Variants in ATP13A4 observed in about 807,000 individuals in gnomAD.
The protein encoded by ATP13A4 is probable cation-transporting ATPase 13A4.
A neutral mutation model predicts 142.5 loss-of-function variants in ATP13A4; 114 were observed. The observed-to-expected ratio is 0.80, with a 90% CI of 0.69 to 0.93. ATP13A4 has a LOEUF of 0.93. Ranked by LOEUF, ATP13A4 falls within the 40% of genes least tolerant of loss-of-function variation. ATP13A4 has a pLI of 0.00. For synonymous variants in ATP13A4, 488 were observed against 514.8 expected (o/e 0.95, Z 0.70); for missense variants, 1,392 against 1,454.0 (o/e 0.96, Z 0.69).
intron 13 of ATP13A4, among the ~76,000 whole-genome samples, chr3:193,460,846 C>A (rs527722701): frequency 6.6e-6 from 1 of 152,218 alleles, no homozygotes; most frequent in East Asian, 1.9e-4. Context: ...GGTTATCAAT[C>A]CCTGATAGCC....
intron 9 of ATP13A4, among the ~76,000 whole-genome samples, chr3:193,467,773 T>C (rs1177551560): frequency 1.3e-5 from 2 of 152,096 alleles, no homozygotes; most frequent in African/African-American, 4.8e-5. Context: ...AATAACTATT[T>C]AGGGAACCAC....
At chr3:193,483,155 A>G (rs1213142524) in intron 8 of ATP13A4, among the ~76,000 whole-genome samples, 2 of 152,224 alleles carry the variant, frequency 1.3e-5, no homozygotes, top group Non-Finnish European at 2.9e-5. Context: ...ATATTATAAA[A>G]GACCCAAAGA....
At chr3:193,500,731 G>T (rs1032346899) in intron 3 of ATP13A4, among the ~76,000 whole-genome samples, 14 of 152,172 alleles carry the variant, frequency 9.2e-5, no homozygotes, top group Admixed American at 2.6e-4. Flanking sequence ...GCACCAATCG[G>T]TGGCCTGGGG....
At chr3:193,465,233 G>A in intron 11 of ATP13A4, 105 bp from the exon 12 acceptor site, 1 of 1,240,672 alleles carries the variant, frequency 8.1e-7, no homozygotes, top group Non-Finnish European at 1.1e-6. Context: ...TGTCGCCCAG[G>A]CTGGAATACA....
chr3:193,486,406 T>C (rs143608305), intron 7 of ATP13A4, among the ~76,000 whole-genome samples: 169 of 152,264 alleles, frequency 1.1e-3, no homozygotes, highest in African/African-American at 3.9e-3. Flanking sequence ...ACTTGAACCG[T>C]AATAGTGGTA....
rs933270222 is a variant in ATP13A4 at position 193,474,541 on chromosome 3, G to GAGAGAGAGAGAAGAAAAA, written c.809-3566_809-3549dup. On this transcript the variant is annotated intron_variant, in intron 8 of 29. Coordinates refer to ENST00000342695, the MANE Select transcript of ATP13A4 (RefSeq NM_032279.4). ...CAGTGCAAGTCCCTGTCAAGACAGA[G>GAGAGAGAGAGAAGAAAAA]AGAGAGAGAGAAGAAAAAAGAGAGA... Among the ~76,000 whole-genome samples, 3 of 146,702 alleles carry GAGAGAGAGAGAAGAAAAA rather than the reference G, an allele frequency of 2.0e-5. No homozygotes were observed. The East Asian group carries it at 5.9e-4, about 29-fold the overall frequency.
chr3:193,557,772 C>T (rs77476767), upstream of ATP13A4, among the ~76,000 whole-genome samples: 98 of 152,310 alleles, frequency 6.4e-4, no homozygotes, highest in African/African-American at 2.2e-3. Flanking sequence ...CCAGAAAAGC[C>T]TCTTTGTGAA....
chr3:193,582,999 T>C (rs796756688), intron 1 of ATP13A4, among the ~76,000 whole-genome samples: 1,492 of 41,150 alleles, frequency 0.036, 481 homozygotes, highest in African/African-American at 0.12. Flanking sequence ...ATATATAAAA[T>C]ATATATATGT....
chr3:193,413,811 C>G (rs754658138), intron 26 of ATP13A4, among the ~76,000 whole-genome samples: 8 of 152,204 alleles, frequency 5.3e-5, no homozygotes, highest in African/African-American at 9.6e-5. Context: ...AATATATGCA[C>G]AGCTGAACAT....
chr3:193,476,046 T>G (rs140473777), intron 8 of ATP13A4, among the ~76,000 whole-genome samples: 5 of 152,132 alleles, frequency 3.3e-5, no homozygotes, highest in African/African-American at 1.2e-4. Context: ...AGTGCTAAAC[T>G]TGAATTGGAA....
upstream of ATP13A4, among the ~76,000 whole-genome samples, chr3:193,559,839 C>T (rs998528595): frequency 2.0e-5 from 3 of 152,172 alleles, no homozygotes; most frequent in Non-Finnish European, 2.9e-5. Flanking sequence ...GGAGGTAAGG[C>T]AGCTCCCCTT....
chr3:193,514,081 T>C (rs1721277014), intron 2 of ATP13A4, among the ~76,000 whole-genome samples: 1 of 152,244 alleles, frequency 6.6e-6, no homozygotes, highest in South Asian at 2.1e-4. Flanking sequence ...CCATCCACAA[T>C]TTTTAATTTA....
At chr3:193,465,584 C>CA (rs1718226711) in intron 11 of ATP13A4, among the ~76,000 whole-genome samples, 1 of 116,344 alleles carries the variant, frequency 8.6e-6, no homozygotes, top group African/African-American at 3.9e-5. Context: ...TATCTTTCAC[C>CA]AAATAGCAAT....
chr3:193,412,075 G>T, intron 27 of ATP13A4, 103 bp downstream of exon 27: 2 of 1,020,830 alleles, frequency 2.0e-6, no homozygotes, highest in Non-Finnish European at 3.1e-6. Context: ...GTCAAGAGAT[G>T]CTAGATAAGA....
intron 1 of ATP13A4, among the ~76,000 whole-genome samples, chr3:193,537,956 G>A (rs1440209412): frequency 6.6e-6 from 1 of 152,142 alleles, no homozygotes; most frequent in Admixed American, 6.5e-5. Flanking sequence ...AGGAGATACA[G>A]GTGGGAAGGA....
intron 3 of ATP13A4, among the ~76,000 whole-genome samples, chr3:193,495,325 C>A (rs2108669173): frequency 6.6e-6 from 1 of 152,080 alleles, no homozygotes; most frequent in Middle Eastern, 3.4e-3. Context: ...ATATTCCTGA[C>A]AAACCTAGAA....
chr3:193,434,776 G>GT (rs1008297089), intron 24 of ATP13A4, among the ~76,000 whole-genome samples: 9 of 151,884 alleles, frequency 5.9e-5, no homozygotes, highest in African/African-American at 2.2e-4. Context: ...TGATGTGCAT[G>GT]TTTTTTTCTC....
intron 1 of ATP13A4, among the ~76,000 whole-genome samples, chr3:193,515,481 CT>C (rs1217265104): frequency 6.6e-6 from 1 of 152,166 alleles, no homozygotes; most frequent in East Asian, 1.9e-4. Context: ...CCAGCTTGCC[CT>C]TGGGAGTTTG....
chr3:193,524,523 C>T (rs540792658), intron 1 of ATP13A4, among the ~76,000 whole-genome samples: 3 of 152,276 alleles, frequency 2.0e-5, no homozygotes, highest in African/African-American at 7.2e-5. Context: ...ACAATAAGAG[C>T]ATACAGAGGT....
Sources: allele counts gnomAD v4.1 joint callset (sites outside exome capture counted in the v4.1 genomes callset), GRCh38; gene constraint gnomAD v4.1.1; transcripts MANE v1.5; gene names NCBI Gene and HGNC (gene_info 2026-07-23, HGNC 2026-07-21).